DST: variants seen among roughly 807,000 people sequenced by gnomAD.
DST encodes bullous pemphigoid antigen.
In DST, 253 loss-of-function variants were observed where a neutral mutation model predicts 875.2. That is an observed-to-expected ratio of 0.29 (90% confidence interval 0.26 to 0.32). The LOEUF (loss-of-function observed/expected upper bound fraction) is 0.32, where lower values mean the gene tolerates loss of function less well. Ranked by LOEUF, DST falls within the 10% of genes least tolerant of loss-of-function variation. The pLI, the probability that DST is intolerant of heterozygous loss-of-function variation, is 1.00. For missense variants in DST, 8,287 were observed against 9,111.6 expected (o/e 0.91, Z 3.68); for synonymous variants, 3,124 against 3,197.1 (o/e 0.98, Z 0.77).
At chr6:56,588,527 G>A (rs372926579) in intron 49 of DST, among the ~76,000 whole-genome samples, 115 of 152,220 alleles carry the variant, frequency 7.6e-4, no homozygotes, top group African/African-American at 2.6e-3. Flanking sequence ...GCCTTCTTGA[G>A]AACTAGGAAG....
chr6:56,839,291 T>A (rs1463160646), intron 4 of DST, among the ~76,000 whole-genome samples: 1 of 152,242 alleles, frequency 6.6e-6, no homozygotes, highest in Non-Finnish European at 1.5e-5. Context: ...TTAGGACTTC[T>A]CAGTACCTAA....
rs1351846918 is a variant in DST at position 56,508,703 on chromosome 6, T to C, written c.19065A>G (p.Thr6355=). 6.2e-7 allele frequency: 1 copy of C among 1,613,846 alleles called. No homozygotes were observed. Among genetic ancestry groups the C allele is most frequent in the East Asian group, 2.2e-5 (1 of 44,876 alleles). ...GTTTGGCTTCCCTCTCTTCCACCAG[T>C]GTGTGTATGTTCTCCCAAATGAAAA... ...QMVFIWENIH[T]LVEEREAKLL... is the part of the protein sequence containing the mutation. Residue 6355 remains threonine, a synonymous_variant, in exon 75 of 104, where the codon ACA becomes ACG. Transcript: ENST00000680361.
intron 2 of DST, chr6:56,945,967 A>C (rs1819258417): frequency 6.6e-6 from 1 of 152,216 alleles, no homozygotes; most frequent in Admixed American, 6.5e-5. Flanking sequence ...TTCTAAAATT[A>C]AATTGTGATG....
At chr6:56,616,616 T>G (rs868415319) in intron 36 of DST, 1 of 1,614,168 alleles carries the variant, frequency 6.2e-7, no homozygotes, top group Non-Finnish European at 8.5e-7. Context: ...GCTGGATGGC[T>G]CATGTAAAAA....
chr6:56,625,308 A>G, intron 34 of DST, 44 bp from the exon 35 acceptor site: 1 of 1,195,060 alleles, frequency 8.4e-7, no homozygotes. Context: ...GAAGCAAAGT[A>G]CTAGAGTTTC....
At chr6:56,512,497 T>G (rs961157857) in intron 72 of DST, among the ~76,000 whole-genome samples, 2 of 152,102 alleles carry the variant, frequency 1.3e-5, no homozygotes, top group African/African-American at 4.8e-5. Flanking sequence ...ATTGATTAGG[T>G]TCCCTCATCA....
chr6:56,753,338 T>C (rs549616674), intron 4 of DST, among the ~76,000 whole-genome samples: 1 of 152,282 alleles, frequency 6.6e-6, no homozygotes, highest in African/African-American at 2.4e-5. Flanking sequence ...TGGCTGCATA[T>C]AAGCATTTTC....
chr6:56,485,762 T>A (rs1267997768), intron 87 of DST, among the ~76,000 whole-genome samples: 1 of 152,224 alleles, frequency 6.6e-6, no homozygotes, highest in Non-Finnish European at 1.5e-5. Flanking sequence ...TAAATATTTT[T>A]AAAATTTTGT....
intron 5 of DST, among the ~76,000 whole-genome samples, chr6:56,718,120 G>A (rs976283429): frequency 3.7e-4 from 57 of 152,098 alleles, no homozygotes; most frequent in African/African-American, 1.1e-3. Flanking sequence ...GGTATGTACC[G>A]GTAGTTCCAG....
At chr6:56,687,623 C>T (rs144123895) in intron 9 of DST, among the ~76,000 whole-genome samples, 11 of 152,234 alleles carry the variant, frequency 7.2e-5, no homozygotes, top group African/African-American at 2.6e-4. Context: ...CATCACTTGA[C>T]ACTACAGTCA....
intron 98 of DST, 72 bp downstream of exon 98, chr6:56,468,910 G>A: frequency 1.6e-5 from 20 of 1,273,508 alleles, no homozygotes; most frequent in South Asian, 1.5e-4. Context: ...GCCATGGCAA[G>A]CTTTAATGAC....
At chr6:56,596,474 G>A (rs1413593423) in intron 47 of DST, among the ~76,000 whole-genome samples, 2 of 152,056 alleles carry the variant, frequency 1.3e-5, no homozygotes, top group Non-Finnish European at 2.9e-5. Flanking sequence ...TCACTACTTT[G>A]GTCAACTTAC....
chr6:56,850,677 C>T (rs1014567544), intron 4 of DST, among the ~76,000 whole-genome samples: 21 of 152,222 alleles, frequency 1.4e-4, no homozygotes, highest in Non-Finnish European at 2.6e-4. Flanking sequence ...ACACAAACCA[C>T]GCAGGGGTTG....
chr6:56,645,869 T>A lies in DST; in HGVS notation c.1775A>T (p.Glu592Val). Residue 592 changes from glutamate to valine, a missense_variant, in exon 15 of 104, where the codon GAA (glutamate) becomes GTA (valine). Around this residue, in one of 10 missense-constraint regions of DST, gnomAD observed 1,160 missense variants for 1,424.3 expected, o/e 0.81. Coordinates refer to ENST00000680361, the MANE Select transcript of DST (RefSeq NM_001374736.1). ...EREKALRPEVERLEMLQQIAN... is the reference protein window; with the variant it reads ...EREKALRPEVVRLEMLQQIAN... The stretch of plus-strand genomic sequence containing the variant: ...GCAGAAAACACCTCTGGCCTACCTT[T>A]CTACTTCTGGACGAAGGGCCTTCTC... 6.2e-7 allele frequency: 1 copy of A among 1,613,348 alleles called. No individual in the cohort carries two copies. The highest frequency in any genetic ancestry group is 8.5e-7 in the Non-Finnish European group (1 of 1,179,642).
intron 71 of DST, among the ~76,000 whole-genome samples, chr6:56,516,098 G>A (rs1937573107): frequency 1.4e-5 from 2 of 147,850 alleles, no homozygotes; most frequent in African/African-American, 2.5e-5. Context: ...GTATATATAT[G>A]TGTGTGTGTA....
intron 88 of DST, 145 bp from the exon 89 acceptor site, chr6:56,483,022 T>G (rs1037626613): frequency 1.1e-5 from 6 of 545,724 alleles, no homozygotes; most frequent in Non-Finnish European, 1.7e-5. Context: ...GGCAGCATCT[T>G]CAGAAGATAA....
chr6:56,608,757 A>G lies in DST; in HGVS notation c.5871T>C (p.Gly1957=), dbSNP rs1178628921. 6.2e-7 allele frequency: 1 copy of G among 1,608,218 alleles called. No individual in the cohort carries two copies. The highest frequency in any genetic ancestry group is 1.3e-5 in the African/African-American group (1 of 74,710). ...WLLPVRPQEG[G]RITLKCGRNI... Reference sequence around the variant, plus strand: ...TTCTTCCACATTTTAATGTTATTCTACCTCCTTCTTGTGGTCTCACAGGTA... The same window carrying G: ...TTCTTCCACATTTTAATGTTATTCTGCCTCCTTCTTGTGGTCTCACAGGTA... The change falls in exon 40 of 104, where the codon GGT becomes GGC. Residue 1957 remains glycine, a synonymous_variant. Transcript: ENST00000680361.
chr6:56,723,193 A>G (rs543870197), intron 5 of DST, among the ~76,000 whole-genome samples: 15 of 152,242 alleles, frequency 9.9e-5, no homozygotes, highest in Non-Finnish European at 2.1e-4. Context: ...TTAGACAATT[A>G]AAGAAATAGC....
chr6:56,732,690 G>C (rs2152926943), intron 5 of DST, among the ~76,000 whole-genome samples: 1 of 152,248 alleles, frequency 6.6e-6, no homozygotes, highest in African/African-American at 2.4e-5. Context: ...TGAGCACTGT[G>C]TATATGCTTT....
Sources: allele counts gnomAD v4.1 joint callset (sites outside exome capture counted in the v4.1 genomes callset), GRCh38; gene constraint gnomAD v4.1.1; regional missense constraint gnomAD v4.1.1; transcripts MANE v1.5; gene names NCBI Gene and HGNC (gene_info 2026-07-23, HGNC 2026-07-21).